Variants in SPAG16 observed in about 807,000 individuals in gnomAD.
SPAG16 encodes sperm associated antigen 16.
SPAG16 carries 86 observed loss-of-function variants against 80.4 expected under a neutral mutation model. The ratio of observed to expected loss-of-function variants is 1.07; its 90% CI spans 0.90 to 1.28. The LOEUF is 1.28. Among genes scored for constraint, SPAG16 ranks in the 50% most tolerant of loss-of-function variants. SPAG16 has a pLI of 0.00. For missense variants in SPAG16, 870 were observed against 765.3 expected (o/e 1.14, Z -1.61); for synonymous variants, 294 against 265.9 (o/e 1.11, Z -1.03).
intron 10 of SPAG16, among the ~76,000 whole-genome samples, chr2:213,800,610 T>C (rs1168850329): frequency 6.6e-6 from 1 of 152,172 alleles, no homozygotes; most frequent in East Asian, 1.9e-4. Context: ...TTCCTATGTT[T>C]TATTGTGTTG....
At chr2:213,908,963 C>T (rs560310756) in intron 11 of SPAG16, among the ~76,000 whole-genome samples, 1 of 151,548 alleles carries the variant, frequency 6.6e-6, no homozygotes, top group African/African-American at 2.4e-5. Flanking sequence ...TGTGATGTTC[C>T]CCTTCCTATG....
At chr2:214,285,907 G>C (rs192168848) in intron 15 of SPAG16, among the ~76,000 whole-genome samples, 2 of 152,274 alleles carry the variant, frequency 1.3e-5, no homozygotes, top group Admixed American at 1.3e-4. Context: ...TGATGCCTAT[G>C]CTTTCACTGT....
At chr2:213,948,664 G>A (rs1159229519) in intron 12 of SPAG16, among the ~76,000 whole-genome samples, 1 of 152,062 alleles carries the variant, frequency 6.6e-6, no homozygotes, top group Non-Finnish European at 1.5e-5. Flanking sequence ...TCTGCCATGT[G>A]ACAATCACCT....
chr2:213,963,455 C>T (rs1269576607), intron 12 of SPAG16, among the ~76,000 whole-genome samples: 1 of 152,062 alleles, frequency 6.6e-6, no homozygotes, highest in Non-Finnish European at 1.5e-5. Context: ...TATTTTATGG[C>T]CCACTATACG....
At chr2:213,557,000 T>G (rs781559783) in intron 10 of SPAG16, among the ~76,000 whole-genome samples, 1 of 152,204 alleles carries the variant, frequency 6.6e-6, no homozygotes, top group Non-Finnish European at 1.5e-5. Context: ...AGAAAGTATT[T>G]CACTGACATA....
intron 11 of SPAG16, among the ~76,000 whole-genome samples, chr2:213,917,477 A>G (rs1044804284): frequency 6.6e-6 from 1 of 152,144 alleles, no homozygotes; most frequent in Non-Finnish European, 1.5e-5. Flanking sequence ...TTCTTGTTGT[A>G]GAGACGTTTC....
intron 14 of SPAG16, among the ~76,000 whole-genome samples, chr2:214,139,308 A>G (rs1326130167): frequency 1.3e-5 from 2 of 151,952 alleles, no homozygotes; most frequent in Non-Finnish European, 2.9e-5. Context: ...TCTCTACCAT[A>G]TTTTTAATTA....
At chr2:213,602,679 A>G (rs1194686444) in intron 10 of SPAG16, among the ~76,000 whole-genome samples, 1 of 152,226 alleles carries the variant, frequency 6.6e-6, no homozygotes, top group Non-Finnish European at 1.5e-5. Flanking sequence ...CTTGTTTCCC[A>G]CCCAAAAGCT....
At chr2:213,769,462 G>A (rs926998069) in intron 10 of SPAG16, among the ~76,000 whole-genome samples, 8 of 152,138 alleles carry the variant, frequency 5.3e-5, no homozygotes, top group African/African-American at 1.7e-4. Flanking sequence ...TGGTGACAGC[G>A]TTATCAGATT....
chr2:213,691,404 G>C (rs1188917611), intron 10 of SPAG16, among the ~76,000 whole-genome samples: 1 of 152,036 alleles, frequency 6.6e-6, no homozygotes, highest in Admixed American at 6.6e-5. Flanking sequence ...CCACCTTTAG[G>C]CACCTTGATC....
intron 10 of SPAG16, among the ~76,000 whole-genome samples, chr2:213,512,170 A>G (rs1490204560): frequency 2.0e-5 from 3 of 152,180 alleles, no homozygotes; most frequent in African/African-American, 7.2e-5. Context: ...AATAAGAGGT[A>G]GAATTCAGTT....
intron 5 of SPAG16, among the ~76,000 whole-genome samples, chr2:213,318,633 A>G (rs1218055243): frequency 6.6e-6 from 1 of 151,876 alleles, no homozygotes; most frequent in Non-Finnish European, 1.5e-5. Flanking sequence ...CCCTTAATCT[A>G]TAAAAATAAA....
In SPAG16 at chr2:213,593,079, A is replaced by T. The variant is rs563526309; in HGVS notation, c.1070+102989A>T. Among the ~76,000 whole-genome samples the T allele has an allele frequency of 2.8e-4, 43 of 151,928 alleles. 1 individual carries two copies. The South Asian group carries it at 7.9e-3, about 28-fold the overall frequency. ...AAACTCAATCCGTATGTATATATAT[A>T]TTTTTACTTGTAGAGAAACACCTAA... On this transcript the variant is annotated intron_variant, in intron 10 of 15. Coordinates refer to ENST00000331683, the MANE Select transcript of SPAG16 (RefSeq NM_024532.5).
rs78169858 is a variant in SPAG16 at position 213,918,929 on chromosome 2, C to T, written c.1215-11031C>T. Among the ~76,000 whole-genome samples, 498 of 151,922 alleles carry T rather than the reference C, an allele frequency of 3.3e-3. 3 individuals are homozygous for T. Among genetic ancestry groups the T allele is most frequent in the Non-Finnish European group, 5.4e-3 (365 of 67,960 alleles). ...TTTTTAGTTTGTGCATAGAAGTATTCGTAATAGTCTCTGATGGTTATTTGT... is the reference window on the plus strand; with the variant it reads ...TTTTTAGTTTGTGCATAGAAGTATTTGTAATAGTCTCTGATGGTTATTTGT... On this transcript the variant is annotated intron_variant, in intron 11 of 15. Coordinates refer to ENST00000331683, the MANE Select transcript of SPAG16 (RefSeq NM_024532.5).
At chr2:213,943,824 T>G (rs1454348020) in intron 12 of SPAG16, among the ~76,000 whole-genome samples, 4 of 152,092 alleles carry the variant, frequency 2.6e-5, no homozygotes, top group African/African-American at 9.7e-5. Context: ...AGAAGATTAG[T>G]ATGAGTGTGA....
At chr2:213,543,718 A>G (rs1395496636) in intron 10 of SPAG16, among the ~76,000 whole-genome samples, 2 of 151,980 alleles carry the variant, frequency 1.3e-5, no homozygotes, top group African/African-American at 2.4e-5. Context: ...TCATGTTGGT[A>G]TAATGAGCCT....
intron 15 of SPAG16, among the ~76,000 whole-genome samples, chr2:214,310,153 TTTTC>T (rs1270669483): frequency 5.4e-4 from 76 of 141,066 alleles, no homozygotes; most frequent in African/African-American, 1.7e-3. Flanking sequence ...GAAACCGTCA[TTTTC>T]TTTCTTTCTT....
chr2:214,386,362 G>A (rs895004487), intron 15 of SPAG16, among the ~76,000 whole-genome samples: 3 of 152,052 alleles, frequency 2.0e-5, no homozygotes, highest in African/African-American at 7.2e-5. Context: ...TCACACCACT[G>A]TACTCCAGCC....
At chr2:213,292,761 T>C (rs1399642739) in intron 1 of SPAG16, among the ~76,000 whole-genome samples, 1 of 151,924 alleles carries the variant, frequency 6.6e-6, no homozygotes, top group Non-Finnish European at 1.5e-5. Flanking sequence ...ATTTATTCAT[T>C]TTAACATATG....
Sources: allele counts gnomAD v4.1 joint callset (sites outside exome capture counted in the v4.1 genomes callset), GRCh38; gene constraint gnomAD v4.1.1; transcripts MANE v1.5; gene names NCBI Gene and HGNC (gene_info 2026-07-23, HGNC 2026-07-21).